CYRIB: variants seen among roughly 807,000 people sequenced by gnomAD.
CYRIB encodes the protein CYFIP related Rac1 interactor B.
CYRIB carries 8 observed loss-of-function variants against 44.2 expected under a neutral mutation model. The ratio of observed to expected loss-of-function variants is 0.18; its 90% CI spans 0.11 to 0.33. CYRIB has a LOEUF of 0.33. CYRIB is among the 10% of genes least tolerant of loss of function. The probability of loss-of-function intolerance (pLI) is 1.00; values close to 1 mark genes in which losing one functional copy is unlikely to be tolerated. For synonymous variants in CYRIB, 131 were observed against 127.2 expected (o/e 1.03, Z -0.20); for missense variants, 185 against 382.8 (o/e 0.48, Z 4.31).
chr8:129,938,907 G>A (rs1564226949), intron 1 of CYRIB, among the ~76,000 whole-genome samples: 1 of 152,110 alleles, frequency 6.6e-6, no homozygotes, highest in East Asian at 1.9e-4. Context: ...ACTAGAGTTT[G>A]ACAGTTATAG....
intron 2 of CYRIB, among the ~76,000 whole-genome samples, chr8:129,965,444 T>C (rs550068694): frequency 1.9e-4 from 29 of 152,176 alleles, no homozygotes; most frequent in Non-Finnish European, 2.5e-4. Flanking sequence ...CTGAAAATCA[T>C]TCCTTCTTAG....
At chr8:129,990,904 G>C (rs764136471) in intron 1 of CYRIB, among the ~76,000 whole-genome samples, 1 of 152,096 alleles carries the variant, frequency 6.6e-6, no homozygotes, top group African/African-American at 2.4e-5. Flanking sequence ...GCCAAGGTGA[G>C]CGGATCACCT....
upstream of CYRIB, among the ~76,000 whole-genome samples, chr8:129,944,374 T>A (rs1280288027): frequency 6.6e-6 from 1 of 152,170 alleles, no homozygotes; most frequent in Non-Finnish European, 1.5e-5. Context: ...ACTGGGGTTG[T>A]CGGGATGACC....
At chr8:129,969,210 C>T (rs936795955) in intron 2 of CYRIB, among the ~76,000 whole-genome samples, 4 of 152,222 alleles carry the variant, frequency 2.6e-5, no homozygotes, top group Admixed American at 1.3e-4. Flanking sequence ...GACAGGCCTT[C>T]GCCATGTTGG....
At chr8:129,890,781 T>C (rs2065025440) in intron 2 of CYRIB, 1 of 152,012 alleles carries the variant, frequency 6.6e-6, no homozygotes, top group South Asian at 2.1e-4. Context: ...TAGTCCCAAC[T>C]ACTCAGGAGG....
At chr8:129,895,678 G>C (rs1417023315) in intron 2 of CYRIB, among the ~76,000 whole-genome samples, 1 of 152,162 alleles carries the variant, frequency 6.6e-6, no homozygotes, top group East Asian at 1.9e-4. Flanking sequence ...CTGAGATCAA[G>C]TCTGCTTGGT....
At chr8:129,993,236 A>T (rs1335081534) in intron 1 of CYRIB, among the ~76,000 whole-genome samples, 1 of 151,018 alleles carries the variant, frequency 6.6e-6, no homozygotes, top group Non-Finnish European at 1.5e-5. Context: ...TACTGAAAAT[A>T]AAAAAAATTA....
At chr8:129,875,102 T>C (rs1217284406) in intron 3 of CYRIB, among the ~76,000 whole-genome samples, 1 of 152,224 alleles carries the variant, frequency 6.6e-6, no homozygotes, top group African/African-American at 2.4e-5. Context: ...GACACAAAAC[T>C]AAATACAAGT....
intron 10 of CYRIB, among the ~76,000 whole-genome samples, chr8:129,848,048 C>T (rs906318251): frequency 1.3e-5 from 2 of 152,078 alleles, no homozygotes; most frequent in Non-Finnish European, 2.9e-5. Flanking sequence ...TTAGGTGATC[C>T]GCCTGCCTCG....
At chr8:129,980,492 C>T (rs2096181956) in intron 1 of CYRIB, among the ~76,000 whole-genome samples, 1 of 152,140 alleles carries the variant, frequency 6.6e-6, no homozygotes, top group Non-Finnish European at 1.5e-5. Flanking sequence ...CAGTTCAGCA[C>T]ACCATTGATT....
chr8:129,868,891 TAAAA>T (rs34829895), intron 4 of CYRIB, among the ~76,000 whole-genome samples: 3 of 119,988 alleles, frequency 2.5e-5, no homozygotes, highest in Non-Finnish European at 3.5e-5. Flanking sequence ...GTACTGCAAT[TAAAA>T]AAAAAAAAAA....
chr8:129,854,676 GTCAACAGAGCAATCC>G (rs1198584073), intron 6 of CYRIB, among the ~76,000 whole-genome samples: 1 of 152,184 alleles, frequency 6.6e-6, no homozygotes, highest in Non-Finnish European at 1.5e-5. Flanking sequence ...TGTAGGTATG[GTCAACAGAGCAATCC>G]TCAAACTAGA....
At chr8:129,855,781 T>G (rs765739159) in intron 5 of CYRIB, 34 bp from the exon 8 acceptor site, 2 of 1,571,412 alleles carry the variant, frequency 1.3e-6, no homozygotes, top group Admixed American at 1.9e-5. Context: ...CATTAAGTTG[T>G]TTGTATCTGT....
intron 1 of CYRIB, among the ~76,000 whole-genome samples, chr8:129,924,289 A>C (rs868218377): frequency 2.6e-4 from 1 of 3,918 alleles, no homozygotes; most frequent in Non-Finnish European, 8.5e-4. Flanking sequence ...AAAAAAAAAA[A>C]CCGGGGGGGG....
intron 8 of CYRIB, chr8:129,851,808 C>CAA: frequency 2.6e-5 from 4 of 154,856 alleles, no homozygotes; most frequent in Non-Finnish European, 2.8e-5. Flanking sequence ...AACTCTGTCT[C>CAA]AAAAAAAAAA....
intron 3 of CYRIB, among the ~76,000 whole-genome samples, chr8:129,875,058 T>C (rs540730955): frequency 1.3e-5 from 2 of 152,300 alleles, no homozygotes; most frequent in East Asian, 3.9e-4. Flanking sequence ...TGAACTTCTA[T>C]CATTTAAAAA....
chr8:129,851,894 A>G (rs2043452576), intron 8 of CYRIB: 1 of 329,026 alleles, frequency 3.0e-6, no homozygotes, highest in Admixed American at 4.8e-5. Context: ...CAAAAACTAA[A>G]GAAAGGGCAG....
At chr8:129,890,824 C>T (rs372386433) in intron 2 of CYRIB, among the ~76,000 whole-genome samples, 2 of 151,514 alleles carry the variant, frequency 1.3e-5, no homozygotes, top group African/African-American at 2.4e-5. Flanking sequence ...ACACGGGAGG[C>T]GGAGGCTGCA....
chr8:130,001,336 A>G (rs79914036), intron 1 of CYRIB, among the ~76,000 whole-genome samples: 2,437 of 152,172 alleles, frequency 0.016, 59 homozygotes, highest in African/African-American at 0.053. Context: ...GCAGGAGCAG[A>G]GAGATTGGTC....
Sources: allele counts gnomAD v4.1 joint callset (sites outside exome capture counted in the v4.1 genomes callset), GRCh38; gene constraint gnomAD v4.1.1; transcripts MANE v1.5; gene names NCBI Gene and HGNC (gene_info 2026-07-23, HGNC 2026-07-21).